Variants in EEF1E1 observed in about 807,000 individuals in gnomAD.
EEF1E1 encodes the protein eukaryotic translation elongation factor 1 epsilon 1, also known as eukaryotic translation elongation factor 1 epsilon-1.
EEF1E1 carries 19 observed loss-of-function variants against 19.9 expected under a neutral mutation model. The observed-to-expected ratio is 0.95, with a 90% CI of 0.66 to 1.40. The LOEUF is 1.40. EEF1E1 is among the 40% of genes most tolerant of loss of function. EEF1E1 has a pLI of 0.00. For missense variants in EEF1E1, 198 were observed against 202.2 expected, an observed-to-expected ratio of 0.98 and a Z score of 0.13; for synonymous variants, 81 against 80.0, an observed-to-expected ratio of 1.01 and a Z score of -0.07.
At position 8,101,267 on chromosome 6, in the gene EEF1E1, T is replaced by A. The variant is rs1315422522; in HGVS notation, c.87+1168A>T. ...AAATATATATATATATATATATATA[T>A]ATATATATATATATATGGCACTCTT... On this transcript the variant is annotated intron_variant, in intron 1 of 3. Transcript: ENST00000379715. Among the ~76,000 whole-genome samples, 523 of 109,086 alleles carry A rather than the reference T, an allele frequency of 4.8e-3. 23 individuals are homozygous for A. Among genetic ancestry groups the A allele is most frequent in the East Asian group, 0.011 (44 of 4,154 alleles). 71.6% of individuals were successfully genotyped at this position (109,086 alleles called of 152,430 possible).
chr6:8,085,318 GTTTT>G, intron 3 of EEF1E1, among the ~76,000 whole-genome samples: 2 of 144,656 alleles, frequency 1.4e-5, no homozygotes, highest in Middle Eastern at 7.1e-3. Context: ...CTGGTTAATG[GTTTT>G]TTTTTTTTTT....
chr6:8,096,149 A>G (rs1267476342), intron 2 of EEF1E1, among the ~76,000 whole-genome samples: 5 of 152,250 alleles, frequency 3.3e-5, no homozygotes, highest in Non-Finnish European at 7.3e-5. Flanking sequence ...ACATCTATTA[A>G]TATAACTTTT....
At chr6:8,099,455 A>G (rs1339743164) in intron 1 of EEF1E1, among the ~76,000 whole-genome samples, 1 of 152,174 alleles carries the variant, frequency 6.6e-6, no homozygotes, top group Admixed American at 6.5e-5. Context: ...TAGGTTTAAG[A>G]ACACTCTAAG....
chr6:8,089,432 G>A (rs1172276913), intron 3 of EEF1E1, among the ~76,000 whole-genome samples: 1 of 152,188 alleles, frequency 6.6e-6, no homozygotes, highest in Non-Finnish European at 1.5e-5. Context: ...GGAGCAAGGA[G>A]AGCCAGTCCG....
At chr6:8,089,434 G>C (rs1287334421) in intron 3 of EEF1E1, among the ~76,000 whole-genome samples, 2 of 152,158 alleles carry the variant, frequency 1.3e-5, no homozygotes, top group Non-Finnish European at 2.9e-5. Context: ...AGCAAGGAGA[G>C]CCAGTCCGAG....
At chr6:8,102,109 C>T in intron 1 of EEF1E1, 1 of 1,257,084 alleles carries the variant, frequency 8.0e-7, no homozygotes, top group Non-Finnish European at 1.0e-6. Context: ...AAGCCAGTTA[C>T]TGAATACATT....
chr6:8,080,246 C>T (rs1279281350), intron 3 of EEF1E1, among the ~76,000 whole-genome samples: 1 of 152,146 alleles, frequency 6.6e-6, no homozygotes, highest in Non-Finnish European at 1.5e-5. Context: ...CAGTACAAAA[C>T]CTGATGTCCT....
chr6:8,099,038 G>C (rs1758250921), intron 1 of EEF1E1, among the ~76,000 whole-genome samples: 1 of 152,084 alleles, frequency 6.6e-6, no homozygotes, highest in Admixed American at 6.5e-5. Flanking sequence ...GCAGAGCCAG[G>C]GTTTGAATAA....
At chr6:8,075,470 T>C (rs1757567543), downstream of EEF1E1, among the ~76,000 whole-genome samples, 1 of 152,164 alleles carries the variant, frequency 6.6e-6, no homozygotes, top group African/African-American at 2.4e-5. Context: ...CCCCTGTCCA[T>C]AGAAAAGTTA....
chr6:8,076,139 C>A (rs1319439862), downstream of EEF1E1, among the ~76,000 whole-genome samples: 8 of 151,960 alleles, frequency 5.3e-5, no homozygotes, highest in African/African-American at 1.9e-4. Flanking sequence ...GAGTTGAAAC[C>A]AACTTCTTCC....
chr6:8,097,567 T>C, intron 1 of EEF1E1, 100 bp from the exon 2 acceptor site: 1 of 896,686 alleles, frequency 1.1e-6, no homozygotes, highest in Non-Finnish European at 1.7e-6. Context: ...TTTTTTGAAA[T>C]AATCCTGGAT....
intron 3 of EEF1E1, among the ~76,000 whole-genome samples, chr6:8,084,160 G>A (rs919237266): frequency 2.6e-5 from 4 of 152,164 alleles, no homozygotes; most frequent in African/African-American, 9.7e-5. Flanking sequence ...TAACATCCTG[G>A]TCACTATATA....
At chr6:8,088,766 CAAGAT>C (rs1057411467) in intron 3 of EEF1E1, among the ~76,000 whole-genome samples, 2 of 152,184 alleles carry the variant, frequency 1.3e-5, no homozygotes, top group South Asian at 2.1e-4. Flanking sequence ...GAAAAGGAGA[CAAGAT>C]AAGACAAGGA....
At chr6:8,102,010 C>T in intron 1 of EEF1E1, 1 of 1,225,766 alleles carries the variant, frequency 8.2e-7, no homozygotes. Flanking sequence ...TTCCCCAGAC[C>T]CAGCACGGTG....
intron 3 of EEF1E1, among the ~76,000 whole-genome samples, chr6:8,084,434 C>A (rs909523349): frequency 1.1e-4 from 17 of 152,194 alleles, no homozygotes; most frequent in African/African-American, 3.6e-4. Context: ...CCGAGTATTT[C>A]TTTTCCCTAC....
downstream of EEF1E1, among the ~76,000 whole-genome samples, chr6:8,075,781 C>T (rs1001559357): frequency 6.6e-6 from 1 of 152,174 alleles, no homozygotes; most frequent in Non-Finnish European, 1.5e-5. Context: ...GCATGCAATG[C>T]TATTTGATGG....
chr6:8,078,844 T>C, downstream of EEF1E1: 1 of 1,122,892 alleles, frequency 8.9e-7, no homozygotes. Context: ...ATTATCTTTT[T>C]ATTTTTAGAA....
intron 3 of EEF1E1, among the ~76,000 whole-genome samples, chr6:8,084,556 T>C (rs1757798543): frequency 1.3e-5 from 2 of 152,230 alleles, no homozygotes; most frequent in Admixed American, 6.5e-5. Flanking sequence ...AATACTCTCC[T>C]TCTTAATGAC....
intron 3 of EEF1E1, among the ~76,000 whole-genome samples, chr6:8,088,538 C>T (rs1389138584): frequency 6.6e-6 from 1 of 152,132 alleles, no homozygotes; most frequent in Non-Finnish European, 1.5e-5. Flanking sequence ...CTGCACAAGC[C>T]CTCTCTGCCT....
Sources: gnomAD v4.1 joint callset for allele counts (sites outside exome capture counted in the v4.1 genomes callset) on GRCh38, gnomAD v4.1.1 for gene constraint, MANE v1.5 for transcripts, NCBI Gene and HGNC (gene_info 2026-07-23, HGNC 2026-07-21) for gene names.